Variants in PRKCI observed in about 807,000 individuals in gnomAD.
The protein encoded by PRKCI is protein kinase C iota, also known as protein kinase C iota type.
In PRKCI, 43 loss-of-function variants were observed where a neutral mutation model predicts 84.0. That is an observed-to-expected ratio of 0.51 (90% CI 0.40 to 0.66). The LOEUF is 0.66. Among genes scored for constraint, PRKCI ranks in the 30% least tolerant of loss-of-function variants. The pLI, the probability that PRKCI is intolerant of heterozygous loss-of-function variation, is 0.00. For synonymous variants in PRKCI, 216 were observed against 234.4 expected (o/e 0.92, Z 0.72); for missense variants, 459 against 745.6 (o/e 0.62, Z 4.48).
chr3:170,298,930 G>A (rs1173300589), intron 16 of PRKCI, 65 bp from the exon 17 acceptor site: 9 of 1,014,738 alleles, frequency 8.9e-6, no homozygotes, highest in African/African-American at 1.6e-5. Flanking sequence ...GTGCAGAGGA[G>A]AACTGTAGAG....
At chr3:170,238,084 C>T (rs1733026032) in intron 2 of PRKCI, among the ~76,000 whole-genome samples, 1 of 152,128 alleles carries the variant, frequency 6.6e-6, no homozygotes, top group Non-Finnish European at 1.5e-5. Context: ...TATATGGGGC[C>T]GGGCATGGTT....
chr3:170,293,281 C>T, intron 13 of PRKCI, 102 bp from the exon 14 acceptor site: 1 of 1,230,506 alleles, frequency 8.1e-7, no homozygotes, highest in South Asian at 1.6e-5. Flanking sequence ...TTAGAGTTTA[C>T]TTTTTCATTG....
chr3:170,222,559 TG>T lies in PRKCI; in HGVS notation c.-108del. The T allele has an allele frequency of 1.1e-6, 1 of 949,856 alleles. No individual in the cohort carries two copies. The highest frequency in any genetic ancestry group is 1.5e-6 in the Non-Finnish European group (1 of 666,668). The allele number at this position is 949,856 out of a possible 1,614,324, so 58.8% of individuals were successfully genotyped here. A position where few individuals can be genotyped will look rare whatever the true frequency, so the allele number is the denominator to read the frequency against. ...GCTGCGGGCGAGGTGGGCAGGTAGG[TG>T]GGCGGACGGCCGCGGTTCTCCGGCA... is the stretch of plus-strand genomic sequence containing the variant. On this transcript the variant is annotated 5_prime_UTR_variant, in exon 1 of 18. Coordinates refer to ENST00000295797, the MANE Select transcript of PRKCI (RefSeq NM_002740.6).
In PRKCI at chr3:170,274,400, C is replaced by A. The variant is rs1344406893; in HGVS notation, c.647-829C>A. Among the ~76,000 whole-genome samples the A allele has an allele frequency of 3.9e-5, 6 of 152,308 alleles. No homozygotes were observed. The East Asian group carries it at 1.2e-3, about 29-fold the overall frequency. On this transcript the variant is annotated intron_variant, in intron 7 of 17. Coordinates refer to ENST00000295797, the MANE Select transcript of PRKCI (RefSeq NM_002740.6). ...CCACCCGCCTTGGCCTCCCAAAGTG[C>A]TGGGATTACAGGCATGAGCCATGGC...
At chr3:170,280,970 A>G (rs1272134572) in intron 9 of PRKCI, among the ~76,000 whole-genome samples, 196 bp from the exon 10 acceptor site, 1 of 152,220 alleles carries the variant, frequency 6.6e-6, no homozygotes, top group Non-Finnish European at 1.5e-5. Flanking sequence ...AAAGTTTTCT[A>G]GACAGTTTTA....
chr3:170,262,130 T>A (rs1337191571), intron 3 of PRKCI, among the ~76,000 whole-genome samples: 5 of 152,236 alleles, frequency 3.3e-5, no homozygotes, highest in African/African-American at 1.2e-4. Context: ...TATTCATAAA[T>A]ACATTGTTGC....
intron 2 of PRKCI, among the ~76,000 whole-genome samples, chr3:170,256,735 G>T (rs903535842): frequency 6.6e-6 from 1 of 151,868 alleles, no homozygotes; most frequent in Non-Finnish European, 1.5e-5. Context: ...CGCTTTTCTT[G>T]TTCTTTAAGA....
At chr3:170,236,394 C>T (rs1361865007) in intron 2 of PRKCI, among the ~76,000 whole-genome samples, 1 of 152,120 alleles carries the variant, frequency 6.6e-6, no homozygotes, top group African/African-American at 2.4e-5. Context: ...GGCCACCACA[C>T]CTGGCCCCCA....
At chr3:170,242,253 G>A (rs1383152317) in intron 2 of PRKCI, among the ~76,000 whole-genome samples, 2 of 152,072 alleles carry the variant, frequency 1.3e-5, no homozygotes, top group Admixed American at 6.5e-5. Context: ...TTAGATAGCT[G>A]TATTATGGCT....
chr3:170,265,994 A>G (rs1733849730), intron 4 of PRKCI, among the ~76,000 whole-genome samples: 1 of 152,152 alleles, frequency 6.6e-6, no homozygotes, highest in Non-Finnish European at 1.5e-5. Context: ...TTAGTATCTT[A>G]ATTTTAAATA....
At chr3:170,233,903 T>C (rs1249987639) in intron 1 of PRKCI, among the ~76,000 whole-genome samples, 3 of 152,004 alleles carry the variant, frequency 2.0e-5, no homozygotes, top group African/African-American at 4.8e-5. Context: ...GTATTTTTAG[T>C]AGAGACGGAG....
chr3:170,282,089 A>C, intron 11 of PRKCI, 121 bp downstream of exon 11: 1 of 1,005,360 alleles, frequency 9.9e-7, no homozygotes, highest in Non-Finnish European at 1.4e-6. Context: ...TTTGTAAGTC[A>C]TGCAGAGGCT....
intron 2 of PRKCI, among the ~76,000 whole-genome samples, chr3:170,239,149 T>TTA (rs1297820996): frequency 6.6e-6 from 1 of 152,238 alleles, no homozygotes; most frequent in Admixed American, 6.5e-5. Context: ...ATTCTTGCCC[T>TTA]TACCAACCTT....
chr3:170,295,064 T>C (rs141512554), intron 14 of PRKCI, among the ~76,000 whole-genome samples: 2,348 of 150,098 alleles, frequency 0.016, 40 homozygotes, highest in East Asian at 0.087. Flanking sequence ...AAAAAAAAAT[T>C]AGCTGGGCGT....
intron 1 of PRKCI, among the ~76,000 whole-genome samples, chr3:170,228,018 T>C (rs1363489591): frequency 6.6e-6 from 1 of 152,186 alleles, no homozygotes; most frequent in Admixed American, 6.5e-5. Context: ...GTTTCTCGTT[T>C]AAGAGAGACT....
At chr3:170,223,796 A>G (rs940743754) in intron 1 of PRKCI, among the ~76,000 whole-genome samples, 4 of 152,154 alleles carry the variant, frequency 2.6e-5, no homozygotes, top group African/African-American at 9.7e-5. Context: ...TGAAATTTTA[A>G]TGCATACTTT....
intron 5 of PRKCI, among the ~76,000 whole-genome samples, chr3:170,269,447 G>A (rs1173131114): frequency 2.0e-5 from 3 of 152,098 alleles, no homozygotes; most frequent in Non-Finnish European, 4.4e-5. Context: ...GAACACTGAA[G>A]CCCAGGAGTT....
rs1349231527 is a variant in PRKCI, at chr3:170,303,043, C to T, written c.1707C>T (p.Asp569=). 1.9e-6 allele frequency: 3 copies of T among 1,588,152 alleles called. No individual in the cohort carries two copies. The highest frequency in any genetic ancestry group is 2.6e-6 in the Non-Finnish European group (3 of 1,165,686). The change falls in exon 18 of 18, where the codon GAC becomes GAT. Residue 569 remains aspartate (D), a synonymous_variant. Coordinates refer to ENST00000295797, the MANE Select transcript of PRKCI (RefSeq NM_002740.6). ...EPVQLTPDDD[D]IVRKIDQSEF... is the part of the protein sequence containing the mutation. The stretch of plus-strand genomic sequence containing the variant: ...AAATTTATTTTTCTTTCAACAGTGA[C>T]ATTGTGAGGAAGATTGATCAGTCTG...
intron 16 of PRKCI, among the ~76,000 whole-genome samples, chr3:170,298,355 A>G (rs927931021): frequency 6.6e-6 from 1 of 151,616 alleles, no homozygotes; most frequent in African/African-American, 2.4e-5. Flanking sequence ...TAACCTCCCA[A>G]GTAGCTGGGA....
Sources: allele counts gnomAD v4.1 joint callset (sites outside exome capture counted in the v4.1 genomes callset), GRCh38; gene constraint gnomAD v4.1.1; transcripts MANE v1.5; gene names NCBI Gene and HGNC (gene_info 2026-07-23, HGNC 2026-07-21).